RAB38: variants seen among roughly 807,000 people sequenced by gnomAD.
RAB38 encodes the protein RAB38, member RAS oncogene family.
Under a neutral mutation model 18.4 loss-of-function variants are expected in RAB38, and 15 were observed. The ratio of observed to expected loss-of-function variants is 0.82; its 90% CI spans 0.55 to 1.26. RAB38 has a LOEUF of 1.26. Among genes scored for constraint, RAB38 ranks in the 50% most tolerant of loss-of-function variants. RAB38 has a pLI of 0.00. For synonymous variants in RAB38, 101 were observed against 104.4 expected (o/e 0.97, Z 0.20); for missense variants, 294 against 267.4 (o/e 1.10, Z -0.69).
chr11:87,879,278 G>A, the RAB38 span, among the ~76,000 whole-genome samples: 1 of 151,140 alleles, frequency 6.6e-6, no homozygotes, highest in African/African-American at 2.4e-5. Context: ...GTGTTTATAT[G>A]AATATGTAAC....
At chr11:87,832,112 C>G in the RAB38 span, among the ~76,000 whole-genome samples, 36 of 152,270 alleles carry the variant, frequency 2.4e-4, no homozygotes, top group Middle Eastern at 3.4e-3. Flanking sequence ...TGTTCACTGC[C>G]TCATTTTTGC....
the RAB38 span, among the ~76,000 whole-genome samples, chr11:87,847,335 T>C: frequency 2.0e-5 from 3 of 152,124 alleles, no homozygotes; most frequent in Non-Finnish European, 2.9e-5. Context: ...CAATAGACTC[T>C]ATACATTAAA....
At chr11:87,959,233 T>C in the RAB38 span, among the ~76,000 whole-genome samples, 2 of 152,256 alleles carry the variant, frequency 1.3e-5, no homozygotes, top group Non-Finnish European at 2.9e-5. Context: ...TGCCTCATTG[T>C]GATTAAGGGA....
the RAB38 span, among the ~76,000 whole-genome samples, chr11:88,018,844 T>A: frequency 6.6e-6 from 1 of 152,210 alleles, no homozygotes; most frequent in Non-Finnish European, 1.5e-5. Context: ...AATATTTCAA[T>A]CAGAGATTGA....
At chr11:88,155,058 T>C (rs1943108873) in intron 1 of RAB38, among the ~76,000 whole-genome samples, 1 of 152,212 alleles carries the variant, frequency 6.6e-6, no homozygotes, top group South Asian at 2.1e-4. Context: ...ACTCTTCCCA[T>C]GCAGTTGCGG....
the RAB38 span, among the ~76,000 whole-genome samples, chr11:88,091,342 A>G: frequency 6.6e-6 from 1 of 151,998 alleles, no homozygotes; most frequent in Admixed American, 6.6e-5. Flanking sequence ...GGCTGGATTG[A>G]CAGATCTCAC....
chr11:88,148,868 T>G (rs536863706), intron 2 of RAB38, among the ~76,000 whole-genome samples: 9 of 152,332 alleles, frequency 5.9e-5, no homozygotes, highest in African/African-American at 2.2e-4. Context: ...TGGTTATTCT[T>G]TTAAAATTTT....
In RAB38 at chr11:88,175,414, G is replaced by T. The variant is rs914403621; in HGVS notation, c.-30C>A. 1 of 1,595,218 alleles carries T rather than the reference G, an allele frequency of 6.3e-7. No individual in the cohort carries two copies. ...GCGGCCGGCCAGACGTGCCGTGCCT[G>T]ACCAGGGAAGCGCAGCCTGGGCTCT... On this transcript the variant is annotated 5_prime_UTR_variant, in exon 1 of 3. Coordinates refer to ENST00000243662, the MANE Select transcript of RAB38 (RefSeq NM_022337.3).
chr11:87,817,544 C>A, the RAB38 span: 3 of 152,058 alleles, frequency 2.0e-5, no homozygotes, highest in Non-Finnish European at 4.4e-5. Context: ...ATTGAAGCTG[C>A]CTTATCTGAA....
the RAB38 span, among the ~76,000 whole-genome samples, chr11:88,047,419 G>T: frequency 4.7e-4 from 72 of 152,220 alleles, 1 homozygote; most frequent in Admixed American, 7.8e-4. Flanking sequence ...GCAAAGGCAG[G>T]CTATGCTATA....
chr11:87,823,289 T>C, the RAB38 span, among the ~76,000 whole-genome samples: 1 of 152,138 alleles, frequency 6.6e-6, no homozygotes, highest in African/African-American at 2.4e-5. Flanking sequence ...TGGAGGGATA[T>C]ACCAGGTTCG....
chr11:88,024,882 GTGGAGA>G, the RAB38 span, among the ~76,000 whole-genome samples: 1 of 150,536 alleles, frequency 6.6e-6, no homozygotes, highest in South Asian at 2.1e-4. Flanking sequence ...GTGGGGTGGG[GTGGAGA>G]TGGAGATGAT....
the RAB38 span, among the ~76,000 whole-genome samples, chr11:88,016,461 T>C: frequency 6.6e-6 from 1 of 152,076 alleles, no homozygotes; most frequent in Non-Finnish European, 1.5e-5. Flanking sequence ...TTGCTTGTGG[T>C]GAAAGGAAAC....
chr11:87,864,069 CA>C, the RAB38 span, among the ~76,000 whole-genome samples: 2 of 151,700 alleles, frequency 1.3e-5, no homozygotes, highest in African/African-American at 4.8e-5. Context: ...TGCCACAATA[CA>C]TGTGGGCTTT....
At chr11:87,975,771 G>T in the RAB38 span, among the ~76,000 whole-genome samples, 1 of 151,528 alleles carries the variant, frequency 6.6e-6, no homozygotes, top group Non-Finnish European at 1.5e-5. Flanking sequence ...TAAAAATGTA[G>T]TAAGAGGTAT....
At chr11:88,141,182 A>T (rs534238906) in intron 2 of RAB38, among the ~76,000 whole-genome samples, 1 of 152,306 alleles carries the variant, frequency 6.6e-6, no homozygotes, top group South Asian at 2.1e-4. Flanking sequence ...AGAAAACAGC[A>T]GAACCAACTG....
the RAB38 span, among the ~76,000 whole-genome samples, chr11:87,940,480 T>C: frequency 2.6e-5 from 4 of 151,984 alleles, no homozygotes; most frequent in African/African-American, 9.7e-5. Context: ...AGAGAGTTAA[T>C]AGGATATGGA....
intron 1 of RAB38, among the ~76,000 whole-genome samples, chr11:88,164,657 T>A (rs575781494): frequency 3.3e-5 from 5 of 152,130 alleles, no homozygotes; most frequent in Non-Finnish European, 7.4e-5. Flanking sequence ...ATGGCTATTA[T>A]AACACTTATT....
the RAB38 span, among the ~76,000 whole-genome samples, chr11:88,071,428 T>C: frequency 6.6e-6 from 1 of 152,114 alleles, no homozygotes; most frequent in African/African-American, 2.4e-5. Flanking sequence ...TATCTAACTC[T>C]GGAATAAAAG....
Sources: allele counts gnomAD v4.1 joint callset (sites outside exome capture counted in the v4.1 genomes callset), GRCh38; gene constraint gnomAD v4.1.1; transcripts MANE v1.5; gene names NCBI Gene and HGNC (gene_info 2026-07-23, HGNC 2026-07-21).